The following CABIN1 variants were observed in gnomAD, a reference collection of about 807,000 sequenced individuals.
The protein encoded by CABIN1 is calcineurin-binding protein cabin-1.
In CABIN1, 133 loss-of-function variants were observed where a neutral mutation model predicts 227.7. That is an observed-to-expected ratio of 0.58 (90% CI 0.51 to 0.67). CABIN1 has a LOEUF of 0.67. Among genes scored for constraint, CABIN1 ranks in the 30% least tolerant of loss-of-function variants. CABIN1 has a pLI of 0.00. For synonymous variants in CABIN1, 1,086 were observed against 1,155.1 expected, an observed-to-expected ratio of 0.94 and a Z score of 1.21; for missense variants, 2,408 against 2,852.5, an observed-to-expected ratio of 0.84 and a Z score of 3.55.
intron 34 of CABIN1, among the ~76,000 whole-genome samples, chr22:24,174,432 G>A (rs2046995196): frequency 6.6e-6 from 1 of 152,180 alleles, no homozygotes. Flanking sequence ...CCCCGCCTGA[G>A]GATGGTGACG....
intron 26 of CABIN1, among the ~76,000 whole-genome samples, chr22:24,109,010 T>C (rs1009068017): frequency 3.9e-5 from 6 of 152,238 alleles, no homozygotes; most frequent in Non-Finnish European, 5.9e-5. Flanking sequence ...TCAAACACTT[T>C]ATGTGTATTA....
intron 29 of CABIN1, among the ~76,000 whole-genome samples, chr22:24,156,231 C>T (rs968946675): frequency 3.9e-5 from 6 of 152,220 alleles, no homozygotes; most frequent in Admixed American, 3.9e-4. Flanking sequence ...CGGCCGCCCC[C>T]CGCCTCGGCG....
At chr22:24,072,878 A>G (rs1013499863) in intron 18 of CABIN1, among the ~76,000 whole-genome samples, 1 of 152,228 alleles carries the variant, frequency 6.6e-6, no homozygotes, top group Non-Finnish European at 1.5e-5. Context: ...CGAGGGCAGC[A>G]TGGAGTGAGC....
intron 28 of CABIN1, among the ~76,000 whole-genome samples, chr22:24,119,932 G>A (rs188271969): frequency 2.6e-5 from 4 of 152,010 alleles, no homozygotes; most frequent in Non-Finnish European, 4.4e-5. Context: ...AGTGTAGGGG[G>A]TCTCACAGTC....
chr22:24,022,370 A>G (rs1388963394), intron 1 of CABIN1, among the ~76,000 whole-genome samples: 1 of 152,154 alleles, frequency 6.6e-6, no homozygotes, highest in Non-Finnish European at 1.5e-5. Flanking sequence ...ATAGTGTACA[A>G]CCTTTTGAGA....
intron 26 of CABIN1, among the ~76,000 whole-genome samples, chr22:24,108,427 A>T (rs985158166): frequency 1.3e-5 from 2 of 152,250 alleles, no homozygotes; most frequent in African/African-American, 4.8e-5. Context: ...CATAACTGCC[A>T]TTCAGTGCTC....
chr22:24,153,186 A>G (rs1277854218), intron 29 of CABIN1, among the ~76,000 whole-genome samples: 1 of 152,160 alleles, frequency 6.6e-6, no homozygotes, highest in Non-Finnish European at 1.5e-5. Flanking sequence ...GGCCAAGCAT[A>G]TATTTCCAAG....
chr22:24,121,830 A>G (rs2043428248), intron 28 of CABIN1, among the ~76,000 whole-genome samples: 1 of 152,254 alleles, frequency 6.6e-6, no homozygotes, highest in Admixed American at 6.5e-5. Context: ...TCAGGCAGCC[A>G]TGCAGCCCCC....
At chr22:24,121,073 G>A (rs1280255224) in intron 28 of CABIN1, among the ~76,000 whole-genome samples, 1 of 152,196 alleles carries the variant, frequency 6.6e-6, no homozygotes, top group Non-Finnish European at 1.5e-5. Context: ...GGCCAGAGAG[G>A]GCCAGGTATG....
At chr22:24,151,566 C>T (rs1359004205) in intron 29 of CABIN1, among the ~76,000 whole-genome samples, 1 of 152,134 alleles carries the variant, frequency 6.6e-6, no homozygotes, top group African/African-American at 2.4e-5. Context: ...GTGGGCTATT[C>T]TAGAAGCCTG....
intron 1 of CABIN1, among the ~76,000 whole-genome samples, chr22:24,030,501 A>G (rs1164436654): frequency 6.6e-6 from 1 of 152,244 alleles, no homozygotes; most frequent in Non-Finnish European, 1.5e-5. Context: ...AGAGGTGCCA[A>G]GTGCTGCTGT....
At chr22:24,030,973 G>A (rs796137542) in intron 1 of CABIN1, among the ~76,000 whole-genome samples, 7 of 152,320 alleles carry the variant, frequency 4.6e-5, no homozygotes, top group African/African-American at 1.7e-4. Context: ...GGTTGGATGC[G>A]TTCCTTTGAG....
intron 29 of CABIN1, among the ~76,000 whole-genome samples, chr22:24,153,422 C>A (rs1335439952): frequency 2.0e-5 from 3 of 152,154 alleles, no homozygotes; most frequent in Admixed American, 2.0e-4. Context: ...GGTTTTCCTG[C>A]ATAGGGTGCT....
chr22:24,106,592 A>G (rs2042532968), intron 26 of CABIN1, among the ~76,000 whole-genome samples: 1 of 152,208 alleles, frequency 6.6e-6, no homozygotes, highest in Non-Finnish European at 1.5e-5. Flanking sequence ...CATCCACAGC[A>G]GCCCAGCTGG....
intron 34 of CABIN1, among the ~76,000 whole-genome samples, chr22:24,174,596 T>G (rs1456207118): frequency 6.6e-6 from 1 of 151,804 alleles, no homozygotes; most frequent in Non-Finnish European, 1.5e-5. Context: ...TTTTTGAGGG[T>G]CAGGAATTTA....
Position 24,056,226 on chromosome 22 carries a change from G to C in CABIN1, c.1128G>C (p.Gly376=). The change falls in exon 10 of 37, where the codon GGG becomes GGC. Residue 376 remains glycine, a synonymous_variant. Transcript: ENST00000263119. The part of the protein sequence containing the change: ...DISGGDKSKK[G]VKRKKISEES... ...CTGGGGGAGATAAATCCAAGAAAGG[G>C]GTAAAACGGAAGAAGATTTCAGAAG... is the stretch of plus-strand genomic sequence containing the variant. 1 of 1,614,028 alleles carries C rather than the reference G, an allele frequency of 6.2e-7. No individual in the cohort carries two copies. The highest frequency in any genetic ancestry group is 1.1e-5 in the South Asian group (1 of 91,076).
In CABIN1 at chr22:24,040,359, A is replaced by C. The variant is rs929640204; in HGVS notation, c.211-780A>C. On this transcript the variant is annotated intron_variant, in intron 4 of 36. Coordinates refer to ENST00000263119, the MANE Select transcript of CABIN1 (RefSeq NM_012295.4). Reference sequence around the variant, plus strand: ...CTTCCTGAGGGTGGCATGTCTTCAGATCTTACCTGTTCAGAACATGAAGAG... The same window carrying C: ...CTTCCTGAGGGTGGCATGTCTTCAGCTCTTACCTGTTCAGAACATGAAGAG... Among the ~76,000 whole-genome samples the C allele has an allele frequency of 5.9e-5, 9 of 152,164 alleles. 1 individual carries two copies. Among genetic ancestry groups the C allele is most frequent in the African/African-American group, 1.4e-4 (6 of 41,424 alleles).
At position 24,072,599 on chromosome 22, in the gene CABIN1, G is replaced by T. The variant is rs538903593; in HGVS notation, c.2632+89G>T. On this transcript the variant is annotated intron_variant, in intron 18 of 36. Coordinates refer to ENST00000263119, the MANE Select transcript of CABIN1 (RefSeq NM_012295.4). ...GCCCTAGGGTCCTGGACCTTATCCA[G>T]ACGTTGTGAGTGGGGCTCAGTCCTC... The T allele has an allele frequency of 3.4e-6, 5 of 1,477,982 alleles. No homozygotes were observed. In the East Asian group the frequency reaches 1.1e-4, roughly 34 times the overall value. The allele number at this position is 1,477,982 out of a possible 1,614,324, so 91.6% of individuals were successfully genotyped here.
intron 29 of CABIN1, among the ~76,000 whole-genome samples, chr22:24,144,782 T>C (rs2045003133): frequency 1.3e-5 from 2 of 152,246 alleles, no homozygotes; most frequent in African/African-American, 4.8e-5. Flanking sequence ...CTGCCAGGTG[T>C]TGCTGTGCTC....
Sources: allele counts gnomAD v4.1 joint callset (sites outside exome capture counted in the v4.1 genomes callset), GRCh38; gene constraint gnomAD v4.1.1; transcripts MANE v1.5; gene names NCBI Gene and HGNC (gene_info 2026-07-23, HGNC 2026-07-21).